SLC4A10: variants seen among roughly 807,000 people sequenced by gnomAD.
SLC4A10 encodes the protein solute carrier family 4 member 10.
Under a neutral mutation model 137.7 loss-of-function variants are expected in SLC4A10, and 42 were observed. The observed-to-expected ratio is 0.30, with a 90% CI of 0.24 to 0.39. The LOEUF is 0.39. Ranked by LOEUF, SLC4A10 falls within the 10% of genes least tolerant of loss-of-function variation. SLC4A10 has a pLI of 1.00. For synonymous variants in SLC4A10, 474 were observed against 464.1 expected (o/e 1.02, Z -0.27); for missense variants, 925 against 1,355.0 (o/e 0.68, Z 4.98).
chr2:161,827,091 A>G (rs1308023872), intron 3 of SLC4A10, among the ~76,000 whole-genome samples: 4 of 152,206 alleles, frequency 2.6e-5, no homozygotes, highest in Non-Finnish European at 5.9e-5. Context: ...TGTGTAATGT[A>G]TTAATCCTTT....
chr2:161,625,177 G>C (rs1315706228), intron 1 of SLC4A10, among the ~76,000 whole-genome samples: 2 of 151,434 alleles, frequency 1.3e-5, no homozygotes, highest in African/African-American at 4.9e-5. Flanking sequence ...CATTTTTGGG[G>C]GACAGGCACA....
chr2:161,626,190 G>T (rs1220085943), intron 1 of SLC4A10, among the ~76,000 whole-genome samples: 1 of 152,054 alleles, frequency 6.6e-6, no homozygotes, highest in East Asian at 1.9e-4. Context: ...GGCAGTGGGG[G>T]TGGGGTGGGG....
chr2:161,841,036 G>A (rs1311175174), intron 4 of SLC4A10, among the ~76,000 whole-genome samples: 4 of 152,016 alleles, frequency 2.6e-5, no homozygotes, highest in Non-Finnish European at 4.4e-5. Flanking sequence ...ATAGCAGGAC[G>A]TGCTTAAATA....
chr2:161,870,356 G>A (rs1049842808), intron 6 of SLC4A10, among the ~76,000 whole-genome samples: 2 of 151,672 alleles, frequency 1.3e-5, no homozygotes, highest in Non-Finnish European at 1.5e-5. Context: ...CAAAGTTAAT[G>A]ACTTTGCACT....
intron 11 of SLC4A10, among the ~76,000 whole-genome samples, chr2:161,896,614 C>A (rs915784181): frequency 6.6e-6 from 1 of 152,102 alleles, no homozygotes; most frequent in African/African-American, 2.4e-5. Context: ...GAACTACAAA[C>A]CACTGCTCAA....
At chr2:161,977,574 A>T (rs1699582784) in intron 25 of SLC4A10, 148 bp from the exon 26 acceptor site, 1 of 617,462 alleles carries the variant, frequency 1.6e-6, no homozygotes, top group East Asian at 2.9e-5. Flanking sequence ...AAGAAAGAGG[A>T]ATTCCTATGT....
rs1236079296 is a variant in SLC4A10, at chr2:161,900,934, A to G, written c.1365A>G (p.Val455=). 6.4e-7 allele frequency: 1 copy of G among 1,560,806 alleles called. No individual in the cohort carries two copies. Among genetic ancestry groups the G allele is most frequent in the African/African-American group, 1.4e-5 (1 of 73,588 alleles). The part of the protein sequence containing the change: ...PSQEKRKIPA[V]PNGTAAHGEA... Reference sequence around the variant, plus strand: ...AGGAGAAGAGGAAGATTCCTGCTGTACCAAATGGAACAGCAGCTCATGGGG... The same window carrying G: ...AGGAGAAGAGGAAGATTCCTGCTGTGCCAAATGGAACAGCAGCTCATGGGG... Residue 455 remains valine (V), a synonymous_variant, in exon 12 of 27, where the codon GTA becomes GTG. Coordinates refer to ENST00000446997, the MANE Select transcript of SLC4A10 (RefSeq NM_001178015.2).
intron 1 of SLC4A10, among the ~76,000 whole-genome samples, chr2:161,679,281 G>A (rs918220942): frequency 6.6e-6 from 1 of 152,050 alleles, no homozygotes; most frequent in African/African-American, 2.4e-5. Context: ...CTTATTGCTG[G>A]CCCATAGTCT....
chr2:161,633,802 T>C (rs1178616387), intron 1 of SLC4A10, among the ~76,000 whole-genome samples: 3 of 151,744 alleles, frequency 2.0e-5, no homozygotes, highest in South Asian at 2.1e-4. Context: ...TATAATACAG[T>C]ACAATCCTTT....
intron 1 of SLC4A10, among the ~76,000 whole-genome samples, chr2:161,715,937 T>C (rs899700452): frequency 6.6e-6 from 1 of 152,174 alleles, no homozygotes; most frequent in East Asian, 1.9e-4. Flanking sequence ...TGAACTAATT[T>C]ACATTCCCAC....
intron 2 of SLC4A10, among the ~76,000 whole-genome samples, chr2:161,785,556 C>A (rs1364375444): frequency 6.6e-6 from 1 of 151,706 alleles, no homozygotes; most frequent in African/African-American, 2.4e-5. Flanking sequence ...ATACCCTGGG[C>A]TGGGGTTCAT....
intron 1 of SLC4A10, among the ~76,000 whole-genome samples, chr2:161,655,954 C>T (rs1228482224): frequency 2.0e-5 from 3 of 151,584 alleles, no homozygotes. Flanking sequence ...GATGGGATTA[C>T]AGGCGTGTGC....
intron 1 of SLC4A10, among the ~76,000 whole-genome samples, chr2:161,679,667 A>T (rs9287815): frequency 0.92 from 138,298 of 149,862 alleles, 63,831 homozygotes; most frequent in East Asian, 1. Context: ...TTTTTTTTTT[A>T]ACCTCAATTG....
intron 1 of SLC4A10, among the ~76,000 whole-genome samples, chr2:161,648,507 A>G (rs1350790852): frequency 3.3e-5 from 5 of 152,320 alleles, no homozygotes; most frequent in African/African-American, 9.6e-5. Context: ...ATAGGACCAA[A>G]TGTTCTTTAA....
intron 1 of SLC4A10, among the ~76,000 whole-genome samples, chr2:161,650,454 G>A (rs1375078373): frequency 1.3e-5 from 2 of 152,206 alleles, no homozygotes; most frequent in Non-Finnish European, 2.9e-5. Flanking sequence ...GAGCCAGCGG[G>A]GGCTGGGAGC....
At chr2:161,658,512 A>C (rs756179025) in intron 1 of SLC4A10, among the ~76,000 whole-genome samples, 8 of 152,036 alleles carry the variant, frequency 5.3e-5, no homozygotes, top group African/African-American at 1.9e-4. Context: ...TTTTGCTTAC[A>C]TTATATTTAT....
At chr2:161,813,663 A>G (rs1283189711) in intron 3 of SLC4A10, among the ~76,000 whole-genome samples, 1 of 152,156 alleles carries the variant, frequency 6.6e-6, no homozygotes, top group Non-Finnish European at 1.5e-5. Flanking sequence ...GCTATGCGCT[A>G]ATGATGAGTT....
chr2:161,972,292 G>T (rs2105958386), intron 23 of SLC4A10, among the ~76,000 whole-genome samples: 1 of 152,182 alleles, frequency 6.6e-6, no homozygotes, highest in Non-Finnish European at 1.5e-5. Flanking sequence ...CCTTTCCTAA[G>T]GAAAAAGGAA....
At chr2:161,935,285 C>T (rs1202098181) in intron 15 of SLC4A10, among the ~76,000 whole-genome samples, 1 of 152,082 alleles carries the variant, frequency 6.6e-6, no homozygotes. Context: ...TGTAATACAG[C>T]TTTGTGGTGT....
Sources: gnomAD v4.1 joint callset for allele counts (sites outside exome capture counted in the v4.1 genomes callset) on GRCh38, gnomAD v4.1.1 for gene constraint, MANE v1.5 for transcripts, NCBI Gene and HGNC (gene_info 2026-07-23, HGNC 2026-07-21) for gene names.